The following ELF2 variants were observed in gnomAD, a reference collection of about 807,000 sequenced individuals.
ELF2 encodes E74 like ETS transcription factor 2, also known as ETS-related transcription factor Elf-2.
Under a neutral mutation model 54.8 loss-of-function variants are expected in ELF2, and 11 were observed. That is an observed-to-expected ratio of 0.20 (90% CI 0.13 to 0.33). The LOEUF (loss-of-function observed/expected upper bound fraction) is 0.33. ELF2 is among the 10% of genes least tolerant of loss of function. ELF2 has a pLI of 1.00. For synonymous variants in ELF2, 203 were observed against 245.1 expected, an observed-to-expected ratio of 0.83 and a Z score of 1.61; for missense variants, 513 against 703.0, an observed-to-expected ratio of 0.73 and a Z score of 3.06.
intron 8 of ELF2, 74 bp downstream of exon 8, chr4:139,061,789 TTC>T (rs1228449681): frequency 6.6e-7 from 1 of 1,508,666 alleles, no homozygotes; most frequent in Non-Finnish European, 9.0e-7. Context: ...GATTTTCAGC[TTC>T]TCTTTAAACA....
At chr4:139,063,173 G>A (rs377210020) in intron 7 of ELF2, among the ~76,000 whole-genome samples, 2 of 152,210 alleles carry the variant, frequency 1.3e-5, no homozygotes, top group South Asian at 2.1e-4. Context: ...CATGAGAATC[G>A]CTTGAACCCA....
chr4:139,066,072 G>A (rs1211334621), intron 7 of ELF2: 1 of 132,712 alleles, frequency 7.5e-6, no homozygotes, highest in Non-Finnish European at 1.6e-5. Flanking sequence ...AGGCTTACTG[G>A]AGACAATTTT....
At position 139,150,956 on chromosome 4, in the gene ELF2, C is replaced by T. The variant is rs193055103; in HGVS notation, c.-251-11459G>A. ...AGGAGAATGGCGTGAACCCGGGAGG[C>T]GAGCTTGCAGTGAGCCGAGATCGCA... On this transcript the variant is annotated intron_variant, in intron 1 of 9. Coordinates refer to ENST00000686138, the MANE Select transcript of ELF2 (RefSeq NM_001331036.3). 5.3e-3 allele frequency among the ~76,000 whole-genome samples: 705 copies of T among 132,444 alleles called. 11 individuals carry two copies. The highest frequency in any genetic ancestry group is 0.02 in the African/African-American group (669 of 34,198). The allele number at this position is 132,444 out of a possible 152,430, so 86.9% of individuals were successfully genotyped here. A position where few individuals can be genotyped will look rare whatever the true frequency, so the allele number is the denominator to read the frequency against.
intron 1 of ELF2, among the ~76,000 whole-genome samples, chr4:139,165,327 C>T (rs1741612615): frequency 6.6e-6 from 1 of 152,102 alleles, no homozygotes; most frequent in African/African-American, 2.4e-5. Context: ...GTGTTTTAAA[C>T]CTTTTGACAT....
rs183251670 is a variant in ELF2, at chr4:139,073,971, T to C, written c.239-404A>G. 1.3e-3 allele frequency among the ~76,000 whole-genome samples: 195 copies of C among 151,976 alleles called. 2 individuals are homozygous for C. The highest frequency in any genetic ancestry group is 4.4e-3 in the African/African-American group (182 of 41,474). On this transcript the variant is annotated intron_variant, in intron 4 of 9. Transcript: ENST00000686138. Reference sequence around the variant, plus strand: ...GTGAAACCCCGTCTCTACCAAAAAATAGAAAAATTAGCTGAGCGTGGTGGC... The same window carrying C: ...GTGAAACCCCGTCTCTACCAAAAAACAGAAAAATTAGCTGAGCGTGGTGGC...
At chr4:139,116,457 A>T (rs1578842720) in intron 4 of ELF2, among the ~76,000 whole-genome samples, 1 of 152,346 alleles carries the variant, frequency 6.6e-6, no homozygotes, top group East Asian at 1.9e-4. Context: ...TATAAAAAGA[A>T]ACAAATATTA....
At position 139,113,812 on chromosome 4, in the gene ELF2, G is replaced by A. The variant is rs181258238; in HGVS notation, c.238+11352C>T. Among the ~76,000 whole-genome samples the A allele has an allele frequency of 1.1e-3, 162 of 150,078 alleles. 1 individual carries two copies. The highest frequency in any genetic ancestry group is 1.6e-3 in the Non-Finnish European group (110 of 67,508). On this transcript the variant is annotated intron_variant, in intron 4 of 9. Transcript: ENST00000686138. ...AGAGGTTGCAGTGAGCCAAGACTGC[G>A]CCACTACACTCCAGCCTGGACAACA...
intron 1 of ELF2, among the ~76,000 whole-genome samples, chr4:139,142,938 G>C (rs946115332): frequency 1.3e-5 from 2 of 152,128 alleles, no homozygotes; most frequent in African/African-American, 4.8e-5. Flanking sequence ...AAGCAAAATT[G>C]ATGTGGATTG....
At chr4:139,081,318 T>G (rs1281509577) in intron 4 of ELF2, among the ~76,000 whole-genome samples, 3 of 152,186 alleles carry the variant, frequency 2.0e-5, no homozygotes, top group Non-Finnish European at 4.4e-5. Context: ...CATGTGATAC[T>G]TAACACCTCA....
chr4:139,135,534 T>C (rs1485713504), intron 3 of ELF2, among the ~76,000 whole-genome samples: 1 of 152,066 alleles, frequency 6.6e-6, no homozygotes, highest in Non-Finnish European at 1.5e-5. Flanking sequence ...CCCTACTAAC[T>C]TCTCTATCCA....
At chr4:139,089,859 C>T (rs1042536188) in intron 4 of ELF2, among the ~76,000 whole-genome samples, 3 of 152,162 alleles carry the variant, frequency 2.0e-5, no homozygotes, top group African/African-American at 4.8e-5. Context: ...AAAAAAATTA[C>T]ATTTTCTTAA....
At chr4:139,079,531 C>T (rs577444129) in intron 4 of ELF2, among the ~76,000 whole-genome samples, 39 of 152,310 alleles carry the variant, frequency 2.6e-4, no homozygotes, top group African/African-American at 9.4e-4. Context: ...TGTAATTCAT[C>T]AACTGTAATT....
At chr4:139,090,156 T>C (rs1434540959) in intron 4 of ELF2, among the ~76,000 whole-genome samples, 2 of 152,202 alleles carry the variant, frequency 1.3e-5, no homozygotes, top group South Asian at 2.1e-4. Flanking sequence ...CTTGAACTCC[T>C]GGTCTCAAGA....
At chr4:139,162,785 A>T (rs1741305687) in intron 1 of ELF2, among the ~76,000 whole-genome samples, 1 of 152,124 alleles carries the variant, frequency 6.6e-6, no homozygotes, top group Non-Finnish European at 1.5e-5. Flanking sequence ...AAATTATGTT[A>T]CGGAGAATGT....
Position 139,177,120 on chromosome 4 carries a change from G to C in ELF2, c.-405C>G, listed in dbSNP as rs1310418123. 6.6e-6 allele frequency: 1 copy of C among 152,064 alleles called. No individual in the cohort carries two copies. The highest frequency in any genetic ancestry group is 6.5e-5 in the Admixed American group (1 of 15,272). 9.4% of individuals were successfully genotyped at this position (152,064 alleles called of 1,614,324 possible). A position where few individuals can be genotyped will look rare whatever the true frequency, so the allele number is the denominator to read the frequency against. The stretch of plus-strand genomic sequence containing the variant: ...CAGGGAGAGAAGGAGACAAAACAGA[G>C]GCTCGCCGCCCCGCGCAGCGACCCC... On this transcript the variant is annotated 5_prime_UTR_variant, in exon 1 of 10. Transcript: ENST00000686138.
chr4:139,163,702 C>T (rs1032501426), intron 1 of ELF2, among the ~76,000 whole-genome samples: 1 of 151,802 alleles, frequency 6.6e-6, no homozygotes, highest in Non-Finnish European at 1.5e-5. Flanking sequence ...CCACTTGAGC[C>T]CAGGAGTTCA....
intron 4 of ELF2, among the ~76,000 whole-genome samples, chr4:139,108,237 A>T (rs115910933): frequency 6.6e-6 from 1 of 152,216 alleles, no homozygotes; most frequent in Non-Finnish European, 1.5e-5. Context: ...ATACCTTATT[A>T]TTAGTTTTCA....
At chr4:139,075,038 A>G (rs1172937984) in intron 4 of ELF2, among the ~76,000 whole-genome samples, 3 of 152,114 alleles carry the variant, frequency 2.0e-5, no homozygotes, top group African/African-American at 7.2e-5. Flanking sequence ...TTTATAATTA[A>G]CCTCGCTCTC....
chr4:139,139,451 T>G lies in ELF2; in HGVS notation c.-205A>C. The stretch of plus-strand genomic sequence containing the variant: ...AGTAGTCTAAGCATCCTTCACTATT[T>G]TCACAACTTGGGAAGAGCTAAAATC... On this transcript the variant is annotated 5_prime_UTR_variant, in exon 2 of 10. Transcript: ENST00000686138. 7 of 1,230,176 alleles carry G rather than the reference T, an allele frequency of 5.7e-6. No individual in the cohort carries two copies. Among genetic ancestry groups the G allele is most frequent in the South Asian group, 4.1e-5 (1 of 24,308 alleles). The allele number at this position is 1,230,176 out of a possible 1,614,324, so 76.2% of individuals were successfully genotyped here.
Sources: gnomAD v4.1 joint callset for allele counts (sites outside exome capture counted in the v4.1 genomes callset) on GRCh38, gnomAD v4.1.1 for gene constraint, MANE v1.5 for transcripts, NCBI Gene and HGNC (gene_info 2026-07-23, HGNC 2026-07-21) for gene names.